The following KLF12 variants were observed in gnomAD, a reference collection of about 807,000 sequenced individuals.
KLF12 encodes the protein KLF transcription factor 12.
Under a neutral mutation model 37.8 loss-of-function variants are expected in KLF12, and 9 were observed. That is an observed-to-expected ratio of 0.24 (90% CI 0.14 to 0.42). The LOEUF is 0.42. KLF12 is among the 10% of genes least tolerant of loss of function. The pLI is 1.00. For missense variants in KLF12, 411 were observed against 516.0 expected, an observed-to-expected ratio of 0.80 and a Z score of 1.97; for synonymous variants, 208 against 202.1, an observed-to-expected ratio of 1.03 and a Z score of -0.25.
At chr13:73,920,325 T>A (rs1478473005) in intron 3 of KLF12, among the ~76,000 whole-genome samples, 1 of 152,128 alleles carries the variant, frequency 6.6e-6, no homozygotes, top group Non-Finnish European at 1.5e-5. Context: ...CTTGGTTGTG[T>A]CTTCATACAT....
chr13:73,749,957 A>G (rs930435132), intron 6 of KLF12, among the ~76,000 whole-genome samples: 2 of 152,212 alleles, frequency 1.3e-5, no homozygotes, highest in African/African-American at 4.8e-5. Flanking sequence ...TGTGGAAAGA[A>G]ACAGGCAAGA....
the KLF12 span, among the ~76,000 whole-genome samples, chr13:74,217,166 T>C: frequency 2.0e-5 from 3 of 148,392 alleles, no homozygotes; most frequent in African/African-American, 7.9e-5. Context: ...TAGATGATTC[T>C]TTTTTTTGAA....
At chr13:73,968,567 C>T (rs1248014842) in intron 2 of KLF12, among the ~76,000 whole-genome samples, 1 of 152,104 alleles carries the variant, frequency 6.6e-6, no homozygotes, top group African/African-American at 2.4e-5. Context: ...CAGCAAACTG[C>T]AAAATGAATA....
At chr13:73,844,140 A>G (rs1294561874) in intron 4 of KLF12, among the ~76,000 whole-genome samples, 1 of 152,166 alleles carries the variant, frequency 6.6e-6, no homozygotes, top group East Asian at 1.9e-4. Flanking sequence ...CTTATTTTAC[A>G]AAGATTAGGT....
rs181423851 is a variant in KLF12 at position 74,076,823 on chromosome 13, T to G, written c.-32+56916A>C. 2.1e-3 allele frequency among the ~76,000 whole-genome samples: 313 copies of G among 152,216 alleles called. 1 individual carries two copies. The highest frequency in any genetic ancestry group is 6.8e-3 in the Middle Eastern group (2 of 294). On this transcript the variant is annotated intron_variant, in intron 1 of 7. Transcript: ENST00000377669. ...CCCTCCACCCTCAAGTCGACCCCAG[T>G]GTCTGTTGTTCCCTTCTTTGTGTTC...
intron 2 of KLF12, among the ~76,000 whole-genome samples, chr13:73,965,053 G>A (rs996462971): frequency 6.6e-6 from 1 of 152,064 alleles, no homozygotes; most frequent in African/African-American, 2.4e-5. Flanking sequence ...CAGTCCCAAG[G>A]GGTAGGGATG....
At chr13:73,758,936 A>T (rs76322055) in intron 6 of KLF12, among the ~76,000 whole-genome samples, 1 of 152,168 alleles carries the variant, frequency 6.6e-6, no homozygotes, top group Non-Finnish European at 1.5e-5. Flanking sequence ...AAGACAGAAC[A>T]TAAGTCTGAA....
upstream of KLF12, among the ~76,000 whole-genome samples, chr13:74,135,557 G>A (rs1185356107): frequency 2.5e-4 from 38 of 151,166 alleles, no homozygotes; most frequent in Admixed American, 2.5e-3. Context: ...GAGCCGGAGG[G>A]TCGGCGGGGG....
At position 74,021,675 on chromosome 13, in the gene KLF12, G is replaced by A. The variant is rs1593836426; in HGVS notation, c.-31-26622C>T. ...GGAAGTCAGCAAATGCTACAAATAAGGGCCTTTTATTCAGGAAGTCGCTTG... is the reference window on the plus strand; with the variant it reads ...GGAAGTCAGCAAATGCTACAAATAAAGGCCTTTTATTCAGGAAGTCGCTTG... On this transcript the variant is annotated intron_variant, in intron 1 of 7. Coordinates refer to ENST00000377669, the MANE Select transcript of KLF12 (RefSeq NM_007249.5). Among the ~76,000 whole-genome samples, 3 of 152,110 alleles carry A rather than the reference G, an allele frequency of 2.0e-5. No individual in the cohort carries two copies. The East Asian group carries it at 5.8e-4, about 29-fold the overall frequency.
the KLF12 span, among the ~76,000 whole-genome samples, chr13:74,226,490 T>G: frequency 6.6e-6 from 1 of 152,146 alleles, no homozygotes. Context: ...GCATGCCCAT[T>G]AGGCGGTACA....
intron 1 of KLF12, among the ~76,000 whole-genome samples, chr13:74,119,944 C>T (rs1297152052): frequency 1.4e-5 from 2 of 148,072 alleles, no homozygotes; most frequent in Non-Finnish European, 3.0e-5. Flanking sequence ...CTCCTGAAGG[C>T]AGCCAAAGAA....
At chr13:74,212,855 A>C in the KLF12 span, among the ~76,000 whole-genome samples, 2 of 152,194 alleles carry the variant, frequency 1.3e-5, no homozygotes, top group Non-Finnish European at 2.9e-5. Context: ...TATGTGTTTA[A>C]ATTCTTTTTT....
At chr13:74,219,238 G>A in the KLF12 span, among the ~76,000 whole-genome samples, 36 of 152,332 alleles carry the variant, frequency 2.4e-4, no homozygotes, top group African/African-American at 5.1e-4. Context: ...TTACAGGCAT[G>A]AGCCACCATG....
At chr13:74,204,969 T>C in the KLF12 span, among the ~76,000 whole-genome samples, 5 of 152,162 alleles carry the variant, frequency 3.3e-5, no homozygotes, top group African/African-American at 9.6e-5. Flanking sequence ...AATAAATTAC[T>C]AGACATATGC....
the KLF12 span, among the ~76,000 whole-genome samples, chr13:74,226,223 TAAGAAA>T: frequency 6.6e-6 from 1 of 152,042 alleles, no homozygotes; most frequent in African/African-American, 2.4e-5. Context: ...AAATCTGAAA[TAAGAAA>T]AGACAGTGAC....
chr13:74,263,547 C>G, the KLF12 span, among the ~76,000 whole-genome samples: 1 of 152,194 alleles, frequency 6.6e-6, no homozygotes, highest in African/African-American at 2.4e-5. Context: ...ATAGCCTCCT[C>G]CACACTTCTA....
chr13:74,136,501 G>A (rs1313214803), upstream of KLF12, among the ~76,000 whole-genome samples: 1 of 152,210 alleles, frequency 6.6e-6, no homozygotes, highest in Non-Finnish European at 1.5e-5. Context: ...CACTGTAAGG[G>A]TGGAAGGATG....
chr13:73,971,994 T>C (rs995790672), intron 2 of KLF12, among the ~76,000 whole-genome samples: 2 of 152,142 alleles, frequency 1.3e-5, no homozygotes, highest in African/African-American at 2.4e-5. Context: ...AAATCAGACT[T>C]TGGGTGCTAC....
At chr13:74,099,833 AT>A (rs1330993976) in intron 1 of KLF12, among the ~76,000 whole-genome samples, 1 of 29,740 alleles carries the variant, frequency 3.4e-5, no homozygotes, top group Non-Finnish European at 5.2e-4. Flanking sequence ...CATTCTTTTT[AT>A]TTAAAAAAAA....
Sources: gnomAD v4.1 joint callset for allele counts (sites outside exome capture counted in the v4.1 genomes callset) on GRCh38, gnomAD v4.1.1 for gene constraint, MANE v1.5 for transcripts, NCBI Gene and HGNC (gene_info 2026-07-23, HGNC 2026-07-21) for gene names.